The following GULP1 variants were observed in gnomAD, a reference collection of about 807,000 sequenced individuals.
GULP1 encodes the protein PTB domain-containing engulfment adapter protein 1.
Under a neutral mutation model 40.9 loss-of-function variants are expected in GULP1, and 19 were observed. The observed-to-expected ratio is 0.46, with a 90% confidence interval of 0.32 to 0.68. The LOEUF is 0.68. GULP1 is among the 30% of genes least tolerant of loss of function. The pLI is 0.03. For synonymous variants in GULP1, 119 were observed against 117.6 expected (o/e 1.01, Z -0.08); for missense variants, 312 against 362.2 (o/e 0.86, Z 1.12).
intron 1 of GULP1, among the ~76,000 whole-genome samples, chr2:188,374,023 CTA>C (rs1223059003): frequency 6.6e-6 from 1 of 151,936 alleles, no homozygotes; most frequent in African/African-American, 2.4e-5. Context: ...TGATGAAAAA[CTA>C]TGTGACATCA....
At chr2:188,497,666 G>A (rs1204569174) in intron 4 of GULP1, among the ~76,000 whole-genome samples, 1 of 151,926 alleles carries the variant, frequency 6.6e-6, no homozygotes. Context: ...TATACTAGGT[G>A]CAGACTCCAG....
chr2:188,362,834 A>G (rs1055813967), intron 1 of GULP1, among the ~76,000 whole-genome samples: 1 of 152,076 alleles, frequency 6.6e-6, no homozygotes, highest in Non-Finnish European at 1.5e-5. Context: ...CTTTCAATGC[A>G]CACAGTGGCT....
intron 1 of GULP1, among the ~76,000 whole-genome samples, chr2:188,317,540 A>G (rs1574363458): frequency 1.3e-5 from 2 of 151,932 alleles, no homozygotes; most frequent in East Asian, 3.9e-4. Context: ...ACATTGTTTT[A>G]TTTTTCCAGA....
intron 1 of GULP1, among the ~76,000 whole-genome samples, chr2:188,360,967 C>T (rs746379260): frequency 6.6e-6 from 1 of 151,932 alleles, no homozygotes; most frequent in African/African-American, 2.4e-5. Flanking sequence ...TTTATGGTGG[C>T]GTGAACCTGA....
At chr2:188,424,160 A>C (rs2055833458) in intron 2 of GULP1, among the ~76,000 whole-genome samples, 1 of 151,936 alleles carries the variant, frequency 6.6e-6, no homozygotes, top group South Asian at 2.1e-4. Context: ...TTGATGAAAA[A>C]GATCTAGTAA....
Position 188,472,991 on chromosome 2 carries a change from G to T in GULP1, c.-44-4668G>T, listed in dbSNP as rs187266833. Among the ~76,000 whole-genome samples the T allele has an allele frequency of 2.6e-4, 40 of 152,200 alleles. 1 individual carries two copies. The East Asian group carries it at 7.0e-3, about 27-fold the overall frequency. On this transcript the variant is annotated intron_variant, in intron 2 of 11. Transcript: ENST00000409830. Reference sequence around the variant, plus strand: ...TTGTGATCTAAGTTGTATCTGCTTTGGGGGGGACCCCAAGCCCAGTAATGC... The same window carrying T: ...TTGTGATCTAAGTTGTATCTGCTTTTGGGGGGACCCCAAGCCCAGTAATGC...
rs1180503600 is a variant in GULP1 at position 188,399,707 on chromosome 2, A to AAAC, written c.-45+15820_-45+15821insCAA. Among the ~76,000 whole-genome samples the AAAC allele has an allele frequency of 9.3e-5, 14 of 150,036 alleles. No homozygotes were observed. The South Asian group carries it at 1.5e-3, about 16-fold the overall frequency. Reference sequence around the variant, plus strand: ...CCCTACAAGAAAAAAAAAAAAAAAAAAAAAAAACATCAAACTGTAATAACA... The same window carrying AAAC: ...CCCTACAAGAAAAAAAAAAAAAAAAAAACAAAAAAACATCAAACTGTAATAACA... On this transcript the variant is annotated intron_variant, in intron 2 of 11. Transcript: ENST00000409830.
At chr2:188,314,578 A>G (rs1392209048) in intron 1 of GULP1, among the ~76,000 whole-genome samples, 1 of 152,126 alleles carries the variant, frequency 6.6e-6, no homozygotes, top group Non-Finnish European at 1.5e-5. Context: ...ACAATTTTTT[A>G]ATAAAACTAA....
chr2:188,334,099 G>A (rs1035577635), intron 1 of GULP1, among the ~76,000 whole-genome samples: 1 of 152,254 alleles, frequency 6.6e-6, no homozygotes, highest in South Asian at 2.1e-4. Flanking sequence ...GGGGACCTGA[G>A]AGCAGTCTAA....
In GULP1 at chr2:188,302,704, T is replaced by C. The variant is rs2106118253; in HGVS notation, c.-172+10538T>C. On this transcript the variant is annotated intron_variant, in intron 1 of 11. Coordinates refer to ENST00000409830, the MANE Select transcript of GULP1 (RefSeq NM_016315.4). ...GTGCGTCCTCTTCTCAACCAGGCCT[T>C]GACTTTTGGGCTTCTGTGTTCTGAT... Among the ~76,000 whole-genome samples the C allele has an allele frequency of 3.3e-5, 5 of 152,278 alleles. No homozygotes were observed. In the South Asian group the frequency reaches 1.0e-3, roughly 32 times the overall value.
At chr2:188,323,919 C>T (rs1025636755) in intron 1 of GULP1, among the ~76,000 whole-genome samples, 2 of 151,762 alleles carry the variant, frequency 1.3e-5, no homozygotes, top group Non-Finnish European at 2.9e-5. Flanking sequence ...CAGCAAGATA[C>T]TAGACAAGAA....
chr2:188,561,363 T>C (rs1252635856), intron 7 of GULP1, among the ~76,000 whole-genome samples: 1 of 152,184 alleles, frequency 6.6e-6, no homozygotes, highest in African/African-American at 2.4e-5. Context: ...GTAGTATCAG[T>C]GACAGGAAAA....
chr2:188,594,090 G>T lies in GULP1; in HGVS notation c.*79G>T. 1 of 769,296 alleles carries T rather than the reference G, an allele frequency of 1.3e-6. No individual in the cohort carries two copies. Among genetic ancestry groups the T allele is most frequent in the South Asian group, 1.8e-5 (1 of 54,488 alleles). The allele number at this position is 769,296 out of a possible 1,614,324, so 47.7% of individuals were successfully genotyped here. A position where few individuals can be genotyped will look rare whatever the true frequency, so the allele number is the denominator to read the frequency against. The stretch of plus-strand genomic sequence containing the variant: ...ATTTATTATTATTACTTTAAGATAG[G>T]TATTATTCATGTGTCAATGTTTTTG... On this transcript the variant is annotated 3_prime_UTR_variant, in exon 12 of 12. Transcript: ENST00000409830.
intron 5 of GULP1, among the ~76,000 whole-genome samples, chr2:188,524,601 T>C (rs1269232724): frequency 7.2e-6 from 1 of 138,768 alleles, no homozygotes; most frequent in Non-Finnish European, 1.6e-5. Flanking sequence ...TTTATATATA[T>C]ATATTTTTTT....
intron 2 of GULP1, among the ~76,000 whole-genome samples, chr2:188,390,059 C>T (rs1019248400): frequency 6.6e-6 from 1 of 151,660 alleles, no homozygotes; most frequent in Non-Finnish European, 1.5e-5. Context: ...ATATCTTTGC[C>T]TTTGTGAATT....
chr2:188,507,584 T>A (rs79941472), intron 4 of GULP1, among the ~76,000 whole-genome samples: 1,679 of 152,044 alleles, frequency 0.011, 36 homozygotes, highest in African/African-American at 0.038. Flanking sequence ...CATGCATCAC[T>A]TTGAATGAAA....
chr2:188,410,846 C>T (rs1308349777), intron 2 of GULP1, among the ~76,000 whole-genome samples: 1 of 152,112 alleles, frequency 6.6e-6, no homozygotes, highest in Non-Finnish European at 1.5e-5. Flanking sequence ...TCATGGAAGG[C>T]TGGGAGGTTT....
At position 188,335,588 on chromosome 2, in the gene GULP1, G is replaced by C. The variant is rs896038289; in HGVS notation, c.-172+43422G>C. On this transcript the variant is annotated intron_variant, in intron 1 of 11. Transcript: ENST00000409830. ...ATTGCTGCAAATTTTCGTTTTCTCTGTTTCTGTCATTAACTAATAAGTACC... is the reference window on the plus strand; with the variant it reads ...ATTGCTGCAAATTTTCGTTTTCTCTCTTTCTGTCATTAACTAATAAGTACC... Among the ~76,000 whole-genome samples the C allele has an allele frequency of 6.6e-5, 10 of 152,122 alleles. No homozygotes were observed. In the South Asian group the frequency reaches 2.1e-3, roughly 32 times the overall value.
At chr2:188,483,303 C>CT (rs769351735) in intron 3 of GULP1, 128 bp from the exon 4 acceptor site, 21 of 448,642 alleles carry the variant, frequency 4.7e-5, no homozygotes, top group Admixed American at 2.2e-4. Flanking sequence ...AGTGGTTATT[C>CT]TTTGTCATTT....
Sources: allele counts gnomAD v4.1 joint callset (sites outside exome capture counted in the v4.1 genomes callset), GRCh38; gene constraint gnomAD v4.1.1; transcripts MANE v1.5; gene names NCBI Gene and HGNC (gene_info 2026-07-23, HGNC 2026-07-21).